PLK4: variants seen among roughly 807,000 people sequenced by gnomAD.
The protein encoded by PLK4 is serine/threonine-protein kinase PLK4.
Under a neutral mutation model 103.0 loss-of-function variants are expected in PLK4, and 51 were observed. The ratio of observed to expected loss-of-function variants is 0.50; its 90% CI spans 0.40 to 0.63. The LOEUF is 0.63. Ranked by LOEUF, PLK4 falls within the 20% of genes least tolerant of loss-of-function variation. The pLI is 0.00. For missense variants in PLK4, 1,054 were observed against 1,151.0 expected (o/e 0.92, Z 1.22); for synonymous variants, 389 against 376.8 (o/e 1.03, Z -0.38).
chr4:127,892,257 A>G, intron 9 of PLK4, 108 bp from the exon 10 acceptor site: 1 of 684,016 alleles, frequency 1.5e-6, no homozygotes, highest in Non-Finnish European at 2.4e-6. Flanking sequence ...TTAGAAAAGA[A>G]TAAGAAAACC....
At chr4:127,885,095 TA>T (rs768747773) in intron 4 of PLK4, among the ~76,000 whole-genome samples, 4 of 150,738 alleles carry the variant, frequency 2.7e-5, no homozygotes, top group Non-Finnish European at 5.9e-5. Flanking sequence ...TCTCAGTTGC[TA>T]AAAAAAAAGT....
intron 6 of PLK4, among the ~76,000 whole-genome samples, chr4:127,888,170 A>G (rs1735209482): frequency 1.0e-5 from 1 of 99,210 alleles, no homozygotes; most frequent in Non-Finnish European, 1.9e-5. Flanking sequence ...ATAGAGCTAG[A>G]CTGTCTCAAA....
At chr4:127,890,263 TA>T (rs1210435167) in intron 7 of PLK4, 27 bp downstream of exon 7, 2 of 1,530,446 alleles carry the variant, frequency 1.3e-6, no homozygotes, top group Middle Eastern at 1.7e-4. Flanking sequence ...CTTAAGTTAC[TA>T]AATAACATTT....
In PLK4 at chr4:127,883,298, CAG is replaced by C. The variant is rs772584110; in HGVS notation, c.168_169del (p.Arg56SerfsTer4). 6.3e-7 allele frequency: 1 copy of C among 1,598,530 alleles called. No individual in the cohort carries two copies. The highest frequency in any genetic ancestry group is 8.6e-7 in the Non-Finnish European group (1 of 1,166,200). ...AGCCATGTACAAAGCAGGAATGGTA[CAG>C]AGAGTCCAAAATGAGGTGAAAATAC... ...KKAMYKAGMV[Q>X]RVQNEVKIHC... On this transcript the variant is annotated frameshift_variant, in exon 3 of 16. Coordinates refer to ENST00000270861, the MANE Select transcript of PLK4 (RefSeq NM_014264.5). LOFTEE classifies it high-confidence loss of function.
intron 4 of PLK4, among the ~76,000 whole-genome samples, chr4:127,885,105 G>T (rs374641073): frequency 4.9e-4 from 75 of 152,084 alleles, no homozygotes; most frequent in Middle Eastern, 3.4e-3. Context: ...TAAAAAAAAA[G>T]TAGGCTTCTC....
intron 15 of PLK4, among the ~76,000 whole-genome samples, chr4:127,898,045 C>T (rs1735643694): frequency 6.6e-6 from 1 of 151,580 alleles, no homozygotes; most frequent in South Asian, 2.1e-4. Context: ...AACATATTGG[C>T]CAGGCTGGTC....
At position 127,880,919 on chromosome 4, in the gene PLK4, C is replaced by T. The variant is rs539022464; in HGVS notation, c.-216C>T. On this transcript the variant is annotated 5_prime_UTR_variant, in exon 1 of 16. Transcript: ENST00000270861. ...CCACCAGCCTAGCTCGGACGGCAAG[C>T]GGCGGGAGATTTTCAAAATGGGAGC... The T allele has an allele frequency of 3.4e-5, 20 of 586,856 alleles. No homozygotes were observed. Among genetic ancestry groups the T allele is most frequent in the Admixed American group, 2.4e-4 (8 of 33,324 alleles). The allele number at this position is 586,856 out of a possible 1,614,324, so 36.4% of individuals were successfully genotyped here.
chr4:127,894,472 C>T (rs1301075076), intron 13 of PLK4, among the ~76,000 whole-genome samples: 1 of 151,902 alleles, frequency 6.6e-6, no homozygotes, highest in Non-Finnish European at 1.5e-5. Context: ...TTGTGATCCA[C>T]CTGCCTCGGC....
intron 4 of PLK4, among the ~76,000 whole-genome samples, chr4:127,883,931 C>T (rs1005572369): frequency 6.6e-6 from 1 of 152,144 alleles, no homozygotes; most frequent in Non-Finnish European, 1.5e-5. Flanking sequence ...ATGAAACATA[C>T]AGGTAGTGTG....
intron 14 of PLK4, 109 bp from the exon 15 acceptor site, chr4:127,896,692 T>C (rs898827587): frequency 1.7e-6 from 1 of 576,272 alleles, no homozygotes; most frequent in African/African-American, 1.9e-5. Flanking sequence ...ATATGTTAAA[T>C]ATTAATACAG....
intron 13 of PLK4, 47 bp downstream of exon 13, chr4:127,893,928 GC>G (rs1560700673): frequency 1.0e-6 from 1 of 992,016 alleles, no homozygotes; most frequent in East Asian, 2.4e-5. Context: ...TTCAATGATT[GC>G]CTGATGCCCT....
At chr4:127,881,300 G>A (rs964902700) in intron 1 of PLK4, 136 bp downstream of exon 1, 2 of 1,536,230 alleles carry the variant, frequency 1.3e-6, no homozygotes, top group South Asian at 1.2e-5. Context: ...GGTCCCAACG[G>A]CCCAGACCCC....
chr4:127,888,182 A>AAAG (rs1735214137), intron 6 of PLK4, among the ~76,000 whole-genome samples: 1 of 96,160 alleles, frequency 1.0e-5, no homozygotes, highest in Non-Finnish European at 2.1e-5. Flanking sequence ...TGTCTCAAAA[A>AAAG]AAAAAAAAAA....
intron 6 of PLK4, among the ~76,000 whole-genome samples, chr4:127,887,794 G>C (rs985515833): frequency 1.3e-5 from 2 of 149,048 alleles, no homozygotes; most frequent in African/African-American, 5.0e-5. Flanking sequence ...AGGATTGCCT[G>C]AGCTCAGGAG....
Position 127,885,998 on chromosome 4 carries a change from C to A in PLK4, c.628C>A (p.Pro210Thr). ...TTATACATTACTTATCGGGAGACCA[C>A]CCTTCGACACTGACACAGTCAAGAA... ...MFYTLLIGRP[P>T]FDTDTVKNTL... Residue 210 changes from proline (P) to threonine (T), a missense_variant, in exon 5 of 16, where the codon CCC (proline) becomes ACC (threonine). This residue lies in a region of PLK4 where 199 missense variants were observed against 270.1 expected (regional missense o/e 0.74). Coordinates refer to ENST00000270861, the MANE Select transcript of PLK4 (RefSeq NM_014264.5). The A allele has an allele frequency of 6.2e-7, 1 of 1,614,132 alleles. No individual in the cohort carries two copies. Among genetic ancestry groups the A allele is most frequent in the Non-Finnish European group, 8.5e-7 (1 of 1,179,962 alleles).
At position 127,881,150 on chromosome 4, in the gene PLK4, G is replaced by A; in HGVS notation, c.16G>A (p.Gly6Arg). The change falls in exon 1 of 16, where the codon GGG becomes AGG. Residue 6 changes from glycine to arginine, a missense_variant. Transcript: ENST00000270861. MATCI[G>R]EKIEDFKVGN... Reference sequence around the variant, plus strand: ...GCCTGGAAATATGGCGACCTGCATCGGGGAGAAGATCGAGGTGAAAAGACT... The same window carrying A: ...GCCTGGAAATATGGCGACCTGCATCAGGGAGAAGATCGAGGTGAAAAGACT... 1.2e-6 allele frequency: 2 copies of A among 1,614,022 alleles called. No individual in the cohort carries two copies. The highest frequency in any genetic ancestry group is 1.7e-6 in the Non-Finnish European group (2 of 1,180,024).
chr4:127,894,730 G>A (rs1008974705), intron 13 of PLK4, among the ~76,000 whole-genome samples: 1 of 152,112 alleles, frequency 6.6e-6, no homozygotes, highest in Non-Finnish European at 1.5e-5. Flanking sequence ...GGGATAAAAA[G>A]ATGAAAGAAA....
intron 5 of PLK4, among the ~76,000 whole-genome samples, chr4:127,886,945 A>G (rs146564859): frequency 0.029 from 4,488 of 152,138 alleles, 94 homozygotes; most frequent in Non-Finnish European, 0.048. Context: ...TTTTAGCCTC[A>G]TTTTTTAATT....
rs1735012746 is a variant in PLK4, at chr4:127,883,595, A to G, written c.337+42A>G. ...TTTTGTTTGTTTTGTTTGGGTGGATAAAAGTTTTGCATTTTAAAGTGTAGT... is the reference window on the plus strand; with the variant it reads ...TTTTGTTTGTTTTGTTTGGGTGGATGAAAGTTTTGCATTTTAAAGTGTAGT... On this transcript the variant is annotated intron_variant, in intron 4 of 15. Coordinates refer to ENST00000270861, the MANE Select transcript of PLK4 (RefSeq NM_014264.5). 4.7e-6 allele frequency: 4 copies of G among 852,010 alleles called. No homozygotes were observed. The East Asian group carries it at 9.7e-5, about 21-fold the overall frequency. The allele number at this position is 852,010 out of a possible 1,614,324, so 52.8% of individuals were successfully genotyped here.
Sources: gnomAD v4.1 joint callset for allele counts (sites outside exome capture counted in the v4.1 genomes callset) on GRCh38, gnomAD v4.1.1 for gene constraint, gnomAD v4.1.1 regional missense constraint, MANE v1.5 for transcripts, NCBI Gene and HGNC (gene_info 2026-07-23, HGNC 2026-07-21) for gene names.